SLC35F1: variants seen among roughly 807,000 people sequenced by gnomAD.
The protein encoded by SLC35F1 is chromosome 6 open reading frame 169.
A neutral mutation model predicts 48.7 loss-of-function variants in SLC35F1; 14 were observed. That is an observed-to-expected ratio of 0.29 (90% confidence interval 0.19 to 0.45). The LOEUF is 0.45. Ranked by LOEUF, SLC35F1 falls within the 20% of genes least tolerant of loss-of-function variation. The probability of loss-of-function intolerance (pLI) is 1.00; values close to 1 mark genes in which losing one functional copy is unlikely to be tolerated. For missense variants in SLC35F1, 404 were observed against 500.0 expected, an observed-to-expected ratio of 0.81 and a Z score of 1.83; for synonymous variants, 190 against 202.2, an observed-to-expected ratio of 0.94 and a Z score of 0.51.
intron 2 of SLC35F1, among the ~76,000 whole-genome samples, chr6:118,197,551 C>T (rs1033164235): frequency 1.3e-5 from 2 of 152,168 alleles, no homozygotes; most frequent in African/African-American, 4.8e-5. Flanking sequence ...ATAATATTAA[C>T]ACGATAAAAG....
Position 118,289,791 on chromosome 6 carries a change from G to C in SLC35F1, c.1002+4453G>C, listed in dbSNP as rs73516132. Among the ~76,000 whole-genome samples, 1,478 of 152,212 alleles carry C rather than the reference G, an allele frequency of 9.7e-3. 26 individuals carry two copies. The highest frequency in any genetic ancestry group is 0.034 in the African/African-American group (1,406 of 41,536). The stretch of plus-strand genomic sequence containing the variant: ...AAGAAAGCGAGATCCTGATTAATTG[G>C]GAGCAGGTTTTTTAAAAGCTCTTCA... On this transcript the variant is annotated intron_variant, in intron 7 of 7. Coordinates refer to ENST00000360388, the MANE Select transcript of SLC35F1 (RefSeq NM_001029858.4).
intron 7 of SLC35F1, among the ~76,000 whole-genome samples, chr6:118,301,552 A>T (rs1213529882): frequency 1.3e-5 from 2 of 152,218 alleles, no homozygotes; most frequent in African/African-American, 4.8e-5. Flanking sequence ...ATTTGTAGAA[A>T]AAATAAATTT....
chr6:118,281,278 T>C (rs1003549225), intron 6 of SLC35F1, among the ~76,000 whole-genome samples: 21 of 151,422 alleles, frequency 1.4e-4, no homozygotes, highest in Non-Finnish European at 2.5e-4. Context: ...CAAAGCCTTA[T>C]TTCTCTTTAT....
chr6:118,083,777 A>G (rs1055349694), intron 1 of SLC35F1, among the ~76,000 whole-genome samples: 1 of 152,242 alleles, frequency 6.6e-6, no homozygotes, highest in Non-Finnish European at 1.5e-5. Flanking sequence ...TTTAGCTATC[A>G]GTAATTAGTA....
intron 1 of SLC35F1, among the ~76,000 whole-genome samples, chr6:118,001,804 G>A (rs201029908): frequency 0.29 from 43,240 of 151,198 alleles, 6,551 homozygotes; most frequent in Admixed American, 0.37. Context: ...ATGAACAGAC[G>A]CTTCTCAAAA....
chr6:118,176,581 T>C (rs1046936438), intron 2 of SLC35F1, among the ~76,000 whole-genome samples: 11 of 152,076 alleles, frequency 7.2e-5, no homozygotes, highest in African/African-American at 2.7e-4. Flanking sequence ...TAAAATACAA[T>C]GAAAAAAATC....
intron 1 of SLC35F1, among the ~76,000 whole-genome samples, chr6:117,960,009 T>A (rs565762110): frequency 6.6e-6 from 1 of 152,046 alleles, no homozygotes; most frequent in Non-Finnish European, 1.5e-5. Flanking sequence ...ATCCACACAC[T>A]TTTCAGTATC....
intron 1 of SLC35F1, among the ~76,000 whole-genome samples, chr6:117,959,023 C>T (rs1488727572): frequency 6.6e-6 from 1 of 152,178 alleles, no homozygotes; most frequent in African/African-American, 2.4e-5. Flanking sequence ...ACTTCAGAGG[C>T]AGGCTGGTTG....
chr6:118,159,332 G>A (rs1774193304), intron 2 of SLC35F1, among the ~76,000 whole-genome samples: 1 of 149,946 alleles, frequency 6.7e-6, no homozygotes, highest in African/African-American at 2.4e-5. Context: ...TGTTGACATT[G>A]TATGAAGTTT....
intron 1 of SLC35F1, among the ~76,000 whole-genome samples, chr6:117,911,156 T>G (rs1775756620): frequency 6.6e-6 from 1 of 152,120 alleles, no homozygotes. Flanking sequence ...GTAATTATAT[T>G]CAAGACTTGG....
chr6:117,955,074 A>G (rs769031795), intron 1 of SLC35F1, among the ~76,000 whole-genome samples: 2 of 152,168 alleles, frequency 1.3e-5, no homozygotes, highest in Non-Finnish European at 2.9e-5. Context: ...TTAAAAATGT[A>G]CCATGGGTAA....
At chr6:117,929,086 C>T (rs1037330521) in intron 1 of SLC35F1, among the ~76,000 whole-genome samples, 3 of 152,110 alleles carry the variant, frequency 2.0e-5, no homozygotes, top group African/African-American at 7.2e-5. Flanking sequence ...CCTCACCCAT[C>T]ATGATTGCCT....
chr6:118,252,770 A>C (rs1775592615), intron 3 of SLC35F1, among the ~76,000 whole-genome samples: 1 of 152,188 alleles, frequency 6.6e-6, no homozygotes, highest in Non-Finnish European at 1.5e-5. Flanking sequence ...CAGGCTGAGG[A>C]GAGGCTAGTG....
chr6:118,288,068 T>C (rs932598935), intron 7 of SLC35F1, among the ~76,000 whole-genome samples: 1 of 152,028 alleles, frequency 6.6e-6, no homozygotes, highest in African/African-American at 2.4e-5. Flanking sequence ...ATTTGAAAGA[T>C]AAATTTTCTT....
chr6:118,016,353 G>A (rs116841303), intron 1 of SLC35F1, among the ~76,000 whole-genome samples: 2,460 of 152,198 alleles, frequency 0.016, 27 homozygotes, highest in Non-Finnish European at 0.024. Context: ...AATATTTACT[G>A]TTTCATGCTG....
intron 2 of SLC35F1, among the ~76,000 whole-genome samples, chr6:118,181,800 C>T (rs111607298): frequency 7.9e-5 from 12 of 151,936 alleles, no homozygotes; most frequent in African/African-American, 1.2e-4. Flanking sequence ...TAGATATATT[C>T]GATATAAACT....
chr6:117,982,701 G>A (rs1375912287), intron 1 of SLC35F1, among the ~76,000 whole-genome samples: 1 of 152,186 alleles, frequency 6.6e-6, no homozygotes. Flanking sequence ...CATTATCAGT[G>A]AGAACTTCTC....
At chr6:117,987,120 C>T (rs1776857661) in intron 1 of SLC35F1, among the ~76,000 whole-genome samples, 1 of 152,282 alleles carries the variant, frequency 6.6e-6, no homozygotes, top group East Asian at 1.9e-4. Context: ...TTGCCTCTGT[C>T]CTGCAGGACC....
intron 1 of SLC35F1, among the ~76,000 whole-genome samples, chr6:118,089,789 T>A (rs1773046255): frequency 6.6e-6 from 1 of 152,214 alleles, no homozygotes; most frequent in South Asian, 2.1e-4. Context: ...CAGGGCTTCA[T>A]GTTAATAGCA....
Sources: gnomAD v4.1 joint callset for allele counts (sites outside exome capture counted in the v4.1 genomes callset) on GRCh38, gnomAD v4.1.1 for gene constraint, MANE v1.5 for transcripts, NCBI Gene and HGNC (gene_info 2026-07-23, HGNC 2026-07-21) for gene names.